NAV3: variants seen among roughly 807,000 people sequenced by gnomAD.
NAV3 encodes the protein pore membrane and/or filament interacting like protein 1.
NAV3 carries 87 observed loss-of-function variants against 244.7 expected under a neutral mutation model. The observed-to-expected ratio is 0.36, with a 90% CI of 0.30 to 0.42. The LOEUF (loss-of-function observed/expected upper bound fraction) is 0.42, where lower values mean the gene tolerates loss of function less well. NAV3 is among the 20% of genes least tolerant of loss of function. The pLI is 1.00. For synonymous variants in NAV3, 1,126 were observed against 1,042.2 expected (o/e 1.08, Z -1.55); for missense variants, 2,663 against 2,893.3 (o/e 0.92, Z 1.83).
At chr12:78,107,630 A>T (rs867478694) in intron 12 of NAV3, among the ~76,000 whole-genome samples, 5 of 152,246 alleles carry the variant, frequency 3.3e-5, no homozygotes, top group Admixed American at 6.5e-5. Flanking sequence ...TATCAGCCTT[A>T]AATACTATAG....
chr12:78,079,137 T>C (rs1953217986), intron 12 of NAV3, among the ~76,000 whole-genome samples: 1 of 152,186 alleles, frequency 6.6e-6, no homozygotes, highest in Non-Finnish European at 1.5e-5. Context: ...ACACCTTTTG[T>C]AGCTAGAACT....
intron 2 of NAV3, among the ~76,000 whole-genome samples, chr12:77,762,830 A>G (rs1869552537): frequency 6.6e-6 from 1 of 152,064 alleles, no homozygotes; most frequent in African/African-American, 2.4e-5. Context: ...ACTCTAGACA[A>G]TACTACTCTT....
At chr12:77,795,672 C>T (rs2135955585) in intron 2 of NAV3, among the ~76,000 whole-genome samples, 1 of 152,242 alleles carries the variant, frequency 6.6e-6, no homozygotes, top group South Asian at 2.1e-4. Flanking sequence ...CAATGCTTGG[C>T]TTCAAATCTT....
intron 2 of NAV3, among the ~76,000 whole-genome samples, chr12:77,644,188 G>A (rs1005903973): frequency 5.9e-5 from 9 of 152,024 alleles, no homozygotes; most frequent in South Asian, 2.1e-4. Flanking sequence ...CCATGAGGTC[G>A]AACAGAGGTC....
At chr12:77,723,237 C>T (rs1185731454) in intron 2 of NAV3, among the ~76,000 whole-genome samples, 1 of 150,808 alleles carries the variant, frequency 6.6e-6, no homozygotes, top group Non-Finnish European at 1.5e-5. Flanking sequence ...CTTTACTAAG[C>T]CCTACATTTT....
intron 2 of NAV3, among the ~76,000 whole-genome samples, chr12:77,814,104 C>G (rs1872425824): frequency 6.6e-6 from 1 of 152,084 alleles, no homozygotes; most frequent in Non-Finnish European, 1.5e-5. Flanking sequence ...GGCAAGCCCT[C>G]TAAGTGATCC....
At chr12:77,849,247 CATAT>C (rs1399693977) in intron 1 of NAV3, among the ~76,000 whole-genome samples, 11 of 151,884 alleles carry the variant, frequency 7.2e-5, no homozygotes, top group Non-Finnish European at 1.5e-4. Context: ...GTGATTTAAA[CATAT>C]GTGTTGAATA....
chr12:77,689,438 G>A (rs1285370419), intron 2 of NAV3, among the ~76,000 whole-genome samples: 1 of 151,872 alleles, frequency 6.6e-6, no homozygotes, highest in Non-Finnish European at 1.5e-5. Flanking sequence ...CATCCAGTCT[G>A]AGATTAAAAC....
At chr12:78,129,152 C>A (rs1956055338) in intron 18 of NAV3, among the ~76,000 whole-genome samples, 1 of 152,110 alleles carries the variant, frequency 6.6e-6, no homozygotes, top group Non-Finnish European at 1.5e-5. Flanking sequence ...AAAAGTCTTA[C>A]CATTACTAAG....
At chr12:77,770,396 G>A (rs1403747945) in intron 2 of NAV3, among the ~76,000 whole-genome samples, 2 of 152,190 alleles carry the variant, frequency 1.3e-5, no homozygotes, top group East Asian at 1.9e-4. Flanking sequence ...GGAGATGGAT[G>A]TCATTGAGTT....
intron 2 of NAV3, among the ~76,000 whole-genome samples, chr12:77,817,803 G>C (rs1437322287): frequency 6.6e-6 from 1 of 152,024 alleles, no homozygotes; most frequent in African/African-American, 2.4e-5. Flanking sequence ...AATCCCCACT[G>C]GTCTCCTATT....
chr12:78,078,933 T>G (rs1304503727), intron 12 of NAV3, among the ~76,000 whole-genome samples: 1 of 152,232 alleles, frequency 6.6e-6, no homozygotes, highest in Non-Finnish European at 1.5e-5. Flanking sequence ...AGACAAATAT[T>G]AATTTTGATC....
intron 12 of NAV3, among the ~76,000 whole-genome samples, chr12:78,094,405 T>C (rs1422084447): frequency 1.3e-5 from 2 of 152,164 alleles, no homozygotes. Flanking sequence ...AACAAGTCAA[T>C]GGATATAATG....
At chr12:77,910,667 C>T (rs1259523170) in intron 1 of NAV3, among the ~76,000 whole-genome samples, 3 of 152,136 alleles carry the variant, frequency 2.0e-5, no homozygotes, top group Non-Finnish European at 4.4e-5. Context: ...CAGCAACTCA[C>T]TCTGTACCTA....
chr12:77,654,144 G>A (rs1159557011), intron 2 of NAV3, among the ~76,000 whole-genome samples: 2 of 152,164 alleles, frequency 1.3e-5, no homozygotes, highest in African/African-American at 2.4e-5. Context: ...GCCGAAGCAG[G>A]GCGAGGCATT....
intron 1 of NAV3, among the ~76,000 whole-genome samples, chr12:77,893,414 G>A (rs1884183179): frequency 6.6e-6 from 1 of 152,088 alleles, no homozygotes; most frequent in Non-Finnish European, 1.5e-5. Context: ...GATTGAGATT[G>A]TTAAACAAAA....
rs1259328612 is a variant in NAV3, at chr12:78,119,657, G to T, written c.3461G>T (p.Gly1154Val). The change falls in exon 15 of 40, where the codon GGC becomes GTC. Residue 1154 changes from glycine (G) to valine (V), a missense_variant. Transcript: ENST00000397909. The part of the protein sequence containing the change: ...SSTSGIPGRG[G>V]HRSSTSSIDS... Reference sequence around the variant, plus strand: ...ACCAGTGGCATTCCTGGCCGAGGAGGCCACAGATCCAGTACCAGCAGTATT... The same window carrying T: ...ACCAGTGGCATTCCTGGCCGAGGAGTCCACAGATCCAGTACCAGCAGTATT... The T allele has an allele frequency of 1.9e-6, 3 of 1,614,048 alleles. No homozygotes were observed. The highest frequency in any genetic ancestry group is 2.5e-6 in the Non-Finnish European group (3 of 1,180,030).
intron 2 of NAV3, among the ~76,000 whole-genome samples, chr12:77,622,115 G>A (rs911193363): frequency 3.9e-5 from 6 of 152,016 alleles, no homozygotes; most frequent in Non-Finnish European, 7.4e-5. Flanking sequence ...GAATAGAAAA[G>A]GCAGGAAACT....
intron 1 of NAV3, among the ~76,000 whole-genome samples, chr12:77,929,855 G>A (rs1419415345): frequency 3.6e-5 from 5 of 139,372 alleles, no homozygotes; most frequent in Non-Finnish European, 6.1e-5. Context: ...CACCATTTTG[G>A]CCAGGCTGGT....
Sources: gnomAD v4.1 joint callset for allele counts (sites outside exome capture counted in the v4.1 genomes callset) on GRCh38, gnomAD v4.1.1 for gene constraint, MANE v1.5 for transcripts, NCBI Gene and HGNC (gene_info 2026-07-23, HGNC 2026-07-21) for gene names.